Variants in SUMF1 observed in about 807,000 individuals in gnomAD.
The protein encoded by SUMF1 is formylglycine-generating enzyme.
Under a neutral mutation model 47.6 loss-of-function variants are expected in SUMF1, and 48 were observed. That is an observed-to-expected ratio of 1.01 (90% CI 0.80 to 1.28). The LOEUF is 1.28. Among genes scored for constraint, SUMF1 ranks in the 50% most tolerant of loss-of-function variants. The pLI is 0.00. For synonymous variants in SUMF1, 230 were observed against 192.1 expected (o/e 1.20, Z -1.63); for missense variants, 571 against 485.4 (o/e 1.18, Z -1.66).
intron 3 of SUMF1, among the ~76,000 whole-genome samples, chr3:4,443,924 T>G (rs1335094856): frequency 6.6e-6 from 1 of 151,200 alleles, no homozygotes; most frequent in African/African-American, 2.4e-5. Flanking sequence ...ACAGAAAAAT[T>G]TCCTGAAGTT....
intron 7 of SUMF1, among the ~76,000 whole-genome samples, chr3:4,389,556 G>A (rs1288445701): frequency 6.6e-6 from 1 of 152,148 alleles, no homozygotes; most frequent in Admixed American, 6.5e-5. Context: ...TTCTCATGCT[G>A]TCTTCTTTGT....
intron 8 of SUMF1, among the ~76,000 whole-genome samples, chr3:4,160,977 C>A (rs1694562969): frequency 1.3e-5 from 2 of 152,128 alleles, no homozygotes; most frequent in Middle Eastern, 3.4e-3. Flanking sequence ...GGAAGGCTTT[C>A]CAGGTATTCA....
intron 7 of SUMF1, among the ~76,000 whole-genome samples, chr3:4,401,066 C>T (rs555988766): frequency 0.032 from 4,771 of 149,170 alleles, 132 homozygotes; most frequent in African/African-American, 0.075. Context: ...CATGAGGTGT[C>T]TGGTTTTCTG....
chr3:4,131,645 G>C (rs1316723411), intron 8 of SUMF1, among the ~76,000 whole-genome samples: 1 of 152,144 alleles, frequency 6.6e-6, no homozygotes, highest in Non-Finnish European at 1.5e-5. Flanking sequence ...TGGAAGGTCA[G>C]GGACTTGGAA....
At chr3:4,320,460 T>C (rs923282721) in intron 8 of SUMF1, among the ~76,000 whole-genome samples, 1 of 152,128 alleles carries the variant, frequency 6.6e-6, no homozygotes, top group Admixed American at 6.5e-5. Flanking sequence ...CCATTTTAAT[T>C]ACATACATGC....
At chr3:4,424,336 G>C (rs1701999084) in intron 3 of SUMF1, among the ~76,000 whole-genome samples, 1 of 151,896 alleles carries the variant, frequency 6.6e-6, no homozygotes, top group Non-Finnish European at 1.5e-5. Flanking sequence ...AATCTTTCAT[G>C]CTACCCTAGC....
intron 8 of SUMF1, among the ~76,000 whole-genome samples, chr3:4,202,297 G>T (rs138287996): frequency 6.6e-6 from 1 of 151,918 alleles, no homozygotes; most frequent in East Asian, 1.9e-4. Flanking sequence ...AACAGATAGG[G>T]GTCTCATTTC....
At position 4,365,350 on chromosome 3, in the gene SUMF1, T is replaced by C. The variant is rs549173759; in HGVS notation, c.1015-3096A>G. Among the ~76,000 whole-genome samples the C allele has an allele frequency of 4.3e-3, 531 of 122,660 alleles. 91 individuals are homozygous for C. The highest frequency in any genetic ancestry group is 0.014 in the African/African-American group (489 of 35,296). The allele number at this position is 122,660 out of a possible 152,430, so 80.5% of individuals were successfully genotyped here. On this transcript the variant is annotated intron_variant, in intron 8 of 8. Transcript: ENST00000272902. ...CTCCCATTATTATTGTGTGGGAGTC[T>C]AAGTCTCTTTGTAGGTCACTCAGGA...
At chr3:4,287,524 C>T (rs1329667754) in intron 8 of SUMF1, among the ~76,000 whole-genome samples, 1 of 152,096 alleles carries the variant, frequency 6.6e-6, no homozygotes, top group Non-Finnish European at 1.5e-5. Context: ...ATTTCTCATT[C>T]CACATTGATT....
At chr3:4,185,309 A>C (rs1336759607) in intron 8 of SUMF1, among the ~76,000 whole-genome samples, 3 of 152,202 alleles carry the variant, frequency 2.0e-5, no homozygotes, top group African/African-American at 7.2e-5. Flanking sequence ...CCAGTACACC[A>C]AAATAACCAA....
At chr3:4,049,083 G>A (rs944109665) in intron 9 of SUMF1, among the ~76,000 whole-genome samples, 1 of 152,152 alleles carries the variant, frequency 6.6e-6, no homozygotes, top group African/African-American at 2.4e-5. Flanking sequence ...AAGTGTATCA[G>A]TCAAAATAAG....
chr3:4,142,915 A>G (rs994080034), intron 8 of SUMF1, among the ~76,000 whole-genome samples: 5 of 152,100 alleles, frequency 3.3e-5, no homozygotes, highest in Admixed American at 1.3e-4. Flanking sequence ...AAAAAAGAGA[A>G]GGTAGTATTT....
intron 8 of SUMF1, among the ~76,000 whole-genome samples, chr3:4,158,171 A>G (rs1182348194): frequency 2.0e-5 from 3 of 151,700 alleles, no homozygotes; most frequent in Admixed American, 1.3e-4. Context: ...ATTATGGTCT[A>G]GATGATTAAA....
intron 8 of SUMF1, among the ~76,000 whole-genome samples, chr3:4,266,086 T>C (rs1697188442): frequency 6.6e-6 from 1 of 152,214 alleles, no homozygotes; most frequent in Admixed American, 6.5e-5. Context: ...TCCATTGATC[T>C]AGATCTCTGT....
chr3:4,296,909 T>C (rs367852826), intron 8 of SUMF1, among the ~76,000 whole-genome samples: 1 of 152,210 alleles, frequency 6.6e-6, no homozygotes, highest in Non-Finnish European at 1.5e-5. Flanking sequence ...AATATAGTTA[T>C]GTAATGTGAA....
intron 8 of SUMF1, among the ~76,000 whole-genome samples, chr3:4,216,416 A>T (rs1026012601): frequency 4.6e-5 from 7 of 152,156 alleles, no homozygotes; most frequent in Non-Finnish European, 8.8e-5. Flanking sequence ...AGTTAAACAT[A>T]AGACCTAAAA....
intron 8 of SUMF1, among the ~76,000 whole-genome samples, chr3:4,179,921 C>T (rs1695055175): frequency 6.6e-6 from 1 of 152,166 alleles, no homozygotes; most frequent in Non-Finnish European, 1.5e-5. Context: ...GACATCTATG[C>T]AGCCAAAAGA....
At chr3:4,107,265 T>C (rs948754115) in intron 8 of SUMF1, among the ~76,000 whole-genome samples, 2 of 152,166 alleles carry the variant, frequency 1.3e-5, no homozygotes, top group South Asian at 4.2e-4. Flanking sequence ...AATGGGAAGA[T>C]AATTTTCCTT....
chr3:4,374,292 A>G (rs1176159723), intron 8 of SUMF1, among the ~76,000 whole-genome samples: 1 of 152,216 alleles, frequency 6.6e-6, no homozygotes, highest in Non-Finnish European at 1.5e-5. Flanking sequence ...GATACAATTT[A>G]CAAAAACATT....
Sources: allele counts gnomAD v4.1 joint callset (sites outside exome capture counted in the v4.1 genomes callset), GRCh38; gene constraint gnomAD v4.1.1; transcripts MANE v1.5; gene names NCBI Gene and HGNC (gene_info 2026-07-23, HGNC 2026-07-21).